AHI1: variants seen among roughly 807,000 people sequenced by gnomAD.
AHI1 encodes Abelson helper integration site 1, also known as jouberin.
AHI1 carries 123 observed loss-of-function variants against 149.3 expected under a neutral mutation model. That is an observed-to-expected ratio of 0.82 (90% CI 0.71 to 0.96). AHI1 has a LOEUF of 0.96. Among genes scored for constraint, AHI1 ranks in the 40% least tolerant of loss-of-function variants. AHI1 has a pLI of 0.00. For missense variants in AHI1, 1,439 were observed against 1,422.7 expected, an observed-to-expected ratio of 1.01 and a Z score of -0.18; for synonymous variants, 475 against 459.8, an observed-to-expected ratio of 1.03 and a Z score of -0.42.
chr6:135,485,994 C>T (rs1794418111), intron 5 of AHI1, among the ~76,000 whole-genome samples: 1 of 152,110 alleles, frequency 6.6e-6, no homozygotes, highest in Non-Finnish European at 1.5e-5. Flanking sequence ...TGCCTCAGTT[C>T]TTCAGTTTAT....
intron 24 of AHI1, among the ~76,000 whole-genome samples, chr6:135,357,435 A>C (rs1793164372): frequency 6.6e-6 from 1 of 152,244 alleles, no homozygotes; most frequent in Non-Finnish European, 1.5e-5. Flanking sequence ...GAAAAAGACC[A>C]AAATCCAAAA....
intron 24 of AHI1, among the ~76,000 whole-genome samples, chr6:135,336,112 TA>T (rs57344793): frequency 0.039 from 2,976 of 76,510 alleles, 48 homozygotes; most frequent in African/African-American, 0.084. Flanking sequence ...AAACTCCGTC[TA>T]AAAAAAAAAA....
intron 26 of AHI1, among the ~76,000 whole-genome samples, chr6:135,305,717 C>T (rs1784459848): frequency 6.6e-6 from 1 of 152,182 alleles, no homozygotes; most frequent in South Asian, 2.1e-4. Flanking sequence ...ATGTCATCCC[C>T]TTGCTTTAAA....
chr6:135,368,102 C>G (rs142818183), intron 23 of AHI1, among the ~76,000 whole-genome samples: 4 of 152,042 alleles, frequency 2.6e-5, no homozygotes, highest in African/African-American at 7.2e-5. Context: ...GAGCTGTGAT[C>G]GTTGTTTTTC....
intron 5 of AHI1, among the ~76,000 whole-genome samples, chr6:135,468,669 C>T (rs1791201618): frequency 1.3e-5 from 2 of 152,056 alleles, no homozygotes; most frequent in Admixed American, 6.6e-5. Flanking sequence ...AAGGGGATAT[C>T]CCCATCGACC....
At position 135,477,601 on chromosome 6, in the gene AHI1, C is replaced by T. The variant is rs370463636; in HGVS notation, c.136-9967G>A. Among the ~76,000 whole-genome samples, 15 of 152,200 alleles carry T rather than the reference C, an allele frequency of 9.9e-5. No individual in the cohort carries two copies. In the East Asian group the frequency reaches 1.4e-3, roughly 14 times the overall value. On this transcript the variant is annotated intron_variant, in intron 5 of 28. Coordinates refer to ENST00000265602, the MANE Select transcript of AHI1 (RefSeq NM_001134831.2). ...GGGACGGATATCCCCTTGCTGTTCT[C>T]GTGATGGAGTTCTTGCAAGATCTGA...
At chr6:135,296,403 ATGG>A (rs1783098931) in intron 27 of AHI1, among the ~76,000 whole-genome samples, 1 of 152,186 alleles carries the variant, frequency 6.6e-6, no homozygotes, top group Admixed American at 6.5e-5. Flanking sequence ...CCTGTGTTTA[ATGG>A]CTTCCTACTT....
chr6:135,450,595 A>C (rs1787941700), intron 11 of AHI1, among the ~76,000 whole-genome samples: 1 of 152,178 alleles, frequency 6.6e-6, no homozygotes. Context: ...TCCCTTGATA[A>C]ACTCTCCTAC....
At chr6:135,301,816 A>G (rs1273635372) in intron 26 of AHI1, 8 of 985,304 alleles carry the variant, frequency 8.1e-6, no homozygotes, top group African/African-American at 1.7e-5. Context: ...GTACATACAC[A>G]CGGGAAATTT....
intron 23 of AHI1, among the ~76,000 whole-genome samples, chr6:135,367,562 T>C (rs1384436311): frequency 6.6e-6 from 1 of 152,128 alleles, no homozygotes; most frequent in Non-Finnish European, 1.5e-5. Flanking sequence ...AAAAATTTTT[T>C]CTTTGTCTTT....
At chr6:135,415,221 C>T (rs1422569814) in intron 20 of AHI1, among the ~76,000 whole-genome samples, 1 of 151,926 alleles carries the variant, frequency 6.6e-6, no homozygotes, top group Non-Finnish European at 1.5e-5. Context: ...CATTGTTGGA[C>T]ATTTGGGTTG....
rs919843738 is a variant in AHI1 at position 135,454,047 on chromosome 6, A to C, written c.1345-611T>G. Among the ~76,000 whole-genome samples the C allele has an allele frequency of 4.6e-5, 7 of 152,302 alleles. No homozygotes were observed. The South Asian group carries it at 1.0e-3, about 23-fold the overall frequency. ...GCTGCGAAAATGAGATTTTTATAGA[A>C]AGAAGACTGCTTAAGAAATGATACA... On this transcript the variant is annotated intron_variant, in intron 10 of 28. Transcript: ENST00000265602.
intron 26 of AHI1, among the ~76,000 whole-genome samples, chr6:135,312,692 G>C (rs1355885132): frequency 6.6e-6 from 1 of 152,216 alleles, no homozygotes; most frequent in Non-Finnish European, 1.5e-5. Flanking sequence ...AGGAAAATGG[G>C]CACTGGCCTG....
intron 5 of AHI1, among the ~76,000 whole-genome samples, chr6:135,488,788 T>C (rs1562289725): frequency 6.6e-6 from 1 of 152,152 alleles, no homozygotes; most frequent in Non-Finnish European, 1.5e-5. Flanking sequence ...GGACTCCCTG[T>C]TCTTCTTTCA....
At chr6:135,315,674 A>T (rs1341402205) in intron 26 of AHI1, among the ~76,000 whole-genome samples, 1 of 152,186 alleles carries the variant, frequency 6.6e-6, no homozygotes, top group Admixed American at 6.6e-5. Flanking sequence ...TTCTTATGGT[A>T]TCCAAAAGAG....
At chr6:135,293,154 T>G (rs1192112009) in intron 27 of AHI1, among the ~76,000 whole-genome samples, 1 of 151,892 alleles carries the variant, frequency 6.6e-6, no homozygotes, top group Non-Finnish European at 1.5e-5. Flanking sequence ...CATAGATTAC[T>G]TAACTAATGC....
At position 135,463,200 on chromosome 6, in the gene AHI1, C is replaced by T. The variant is rs894830970; in HGVS notation, c.856G>A (p.Glu286Lys). ...SHQDDEISSM[E>K]QSTEDSMQDD... ...TGCATGCTGTCTTCTGTGCTTTGTT[C>T]CATTGAGCTTATTTCATCATCTTGA... Residue 286 changes from glutamate to lysine, a missense_variant, in exon 8 of 29, where the codon GAA becomes AAA. By Grantham distance (56) the Glu-to-Lys change is moderately conservative. Transcript: ENST00000265602. 1 of 1,606,834 alleles carries T rather than the reference C, an allele frequency of 6.2e-7. No homozygotes were observed. The highest frequency in any genetic ancestry group is 8.5e-7 in the Non-Finnish European group (1 of 1,178,424).
intron 23 of AHI1, among the ~76,000 whole-genome samples, chr6:135,378,385 C>T (rs917047173): frequency 2.6e-5 from 4 of 152,206 alleles, no homozygotes; most frequent in Non-Finnish European, 5.9e-5. Flanking sequence ...ACCAACTATA[C>T]TAATTTCTAC....
At chr6:135,404,913 C>T in intron 22 of AHI1, 38 bp downstream of exon 22, 1 of 1,590,418 alleles carries the variant, frequency 6.3e-7, no homozygotes, top group Non-Finnish European at 8.6e-7. Flanking sequence ...CATCACTATA[C>T]CTTTGAAGTT....
Sources: allele counts gnomAD v4.1 joint callset (sites outside exome capture counted in the v4.1 genomes callset), GRCh38; gene constraint gnomAD v4.1.1; transcripts MANE v1.5; gene names NCBI Gene and HGNC (gene_info 2026-07-23, HGNC 2026-07-21).